The following TXNRD1 variants were observed in gnomAD, a reference collection of about 807,000 sequenced individuals.
TXNRD1 encodes the protein thioredoxin reductase 1, also known as thioredoxin reductase 1, cytoplasmic.
Under a neutral mutation model 80.3 loss-of-function variants are expected in TXNRD1, and 57 were observed. The observed-to-expected ratio is 0.71, with a 90% CI of 0.57 to 0.89. TXNRD1 has a LOEUF of 0.89. Ranked by LOEUF, TXNRD1 falls within the 40% of genes least tolerant of loss-of-function variation. The probability of loss-of-function intolerance (pLI) is 0.00; values close to 1 mark genes in which losing one functional copy is unlikely to be tolerated. For synonymous variants in TXNRD1, 291 were observed against 285.2 expected (o/e 1.02, Z -0.20); for missense variants, 730 against 803.0 (o/e 0.91, Z 1.10).
intron 2 of TXNRD1, among the ~76,000 whole-genome samples, chr12:104,256,084 T>C (rs2033242866): frequency 6.6e-6 from 1 of 152,218 alleles, no homozygotes; most frequent in Admixed American, 6.5e-5. Flanking sequence ...TGAAGTAGAA[T>C]TTTCCCAGGT....
chr12:104,294,698 T>C (rs1178560465), intron 4 of TXNRD1, among the ~76,000 whole-genome samples: 2 of 152,130 alleles, frequency 1.3e-5, no homozygotes, highest in Admixed American at 1.3e-4. Context: ...TCAAAACTCG[T>C]GAGTTTAAGC....
chr12:104,245,444 G>A (rs907573761), intron 1 of TXNRD1, among the ~76,000 whole-genome samples: 1 of 133,890 alleles, frequency 7.5e-6, no homozygotes, highest in Non-Finnish European at 1.6e-5. Context: ...TTGAACCTGG[G>A]AGGCAGAGGT....
chr12:104,339,334 A>C (rs1301839148), intron 16 of TXNRD1, 61 bp downstream of exon 16: 1 of 1,601,648 alleles, frequency 6.2e-7, no homozygotes, highest in South Asian at 1.1e-5. Flanking sequence ...GAAGCACACC[A>C]CCCAGCTTAT....
intron 1 of TXNRD1, among the ~76,000 whole-genome samples, chr12:104,237,436 C>T (rs563237651): frequency 6.6e-6 from 1 of 152,302 alleles, no homozygotes; most frequent in African/African-American, 2.4e-5. Flanking sequence ...ACACTGTCTT[C>T]TCCCATAGTA....
rs567584144 is a variant in TXNRD1 at position 104,291,957 on chromosome 12, T to C, written c.414+2917T>C. Among the ~76,000 whole-genome samples the C allele has an allele frequency of 8.5e-5, 13 of 152,336 alleles. No homozygotes were observed. In the East Asian group the frequency reaches 2.5e-3, roughly 29 times the overall value. ...GTTTCAGTGGAGAAAGGCATTTATT[T>C]AGTGGAGAATTGAGTGCTTATAGTC... is the stretch of plus-strand genomic sequence containing the variant. On this transcript the variant is annotated intron_variant, in intron 4 of 16. Coordinates refer to ENST00000525566, the MANE Select transcript of TXNRD1 (RefSeq NM_001093771.3).
intron 1 of TXNRD1, among the ~76,000 whole-genome samples, chr12:104,249,083 T>A (rs1366624260): frequency 6.6e-6 from 1 of 152,230 alleles, no homozygotes; most frequent in Admixed American, 6.5e-5. Flanking sequence ...CAAAATAACA[T>A]AAACTAGGAG....
chr12:104,332,749 C>CAAAA (rs34106883), intron 14 of TXNRD1, among the ~76,000 whole-genome samples: 210 of 76,606 alleles, frequency 2.7e-3, no homozygotes, highest in Middle Eastern at 0.01. Flanking sequence ...AACTCCGTCT[C>CAAAA]AAAAAAAAAA....
At chr12:104,321,996 CTT>C (rs746500111) in intron 10 of TXNRD1, among the ~76,000 whole-genome samples, 18 of 129,320 alleles carry the variant, frequency 1.4e-4, no homozygotes, top group Non-Finnish European at 1.7e-4. Flanking sequence ...TTATAGTTGT[CTT>C]TTTTTTTTTT....
chr12:104,275,355 C>T (rs959744265), intron 3 of TXNRD1, among the ~76,000 whole-genome samples: 6 of 151,870 alleles, frequency 4.0e-5, no homozygotes, highest in Non-Finnish European at 7.4e-5. Context: ...ATATGCACTG[C>T]GGAAAATGGC....
Position 104,305,988 on chromosome 12 carries a change from C to CT in TXNRD1, c.415-5301dup, listed in dbSNP as rs2135792416. ...GTGCAATCTCGGCCCACTGCAACCT[C>CT]TGCCTGCGGGGTTCAGGCGATTCTT... On this transcript the variant is annotated intron_variant, in intron 4 of 16. Coordinates refer to ENST00000525566, the MANE Select transcript of TXNRD1 (RefSeq NM_001093771.3). Among the ~76,000 whole-genome samples the CT allele has an allele frequency of 1.3e-5, 2 of 152,280 alleles. 1 individual carries two copies. Among genetic ancestry groups the CT allele is most frequent in the South Asian group, 4.1e-4 (2 of 4,828 alleles).
intron 3 of TXNRD1, among the ~76,000 whole-genome samples, chr12:104,279,634 G>A (rs1214538926): frequency 6.6e-6 from 1 of 152,126 alleles, no homozygotes; most frequent in Non-Finnish European, 1.5e-5. Flanking sequence ...CATAATAAGG[G>A]TATATTCAAC....
intron 9 of TXNRD1, among the ~76,000 whole-genome samples, chr12:104,320,330 A>G (rs1447391918): frequency 6.6e-6 from 1 of 152,106 alleles, no homozygotes; most frequent in Admixed American, 6.6e-5. Flanking sequence ...CCTTTCTCAC[A>G]TGGTGGGAGA....
At chr12:104,324,147 T>G (rs184900542) in intron 10 of TXNRD1, among the ~76,000 whole-genome samples, 1 of 152,236 alleles carries the variant, frequency 6.6e-6, no homozygotes, top group African/African-American at 2.4e-5. Flanking sequence ...CCTTATCATT[T>G]CCAAACAAAT....
intron 15 of TXNRD1, among the ~76,000 whole-genome samples, chr12:104,335,506 A>C (rs976129293): frequency 3.3e-5 from 5 of 152,126 alleles, no homozygotes; most frequent in Non-Finnish European, 7.4e-5. Context: ...GGCCTATTAC[A>C]GTACTTTTTT....
At chr12:104,284,012 G>A (rs765493268) in intron 3 of TXNRD1, among the ~76,000 whole-genome samples, 23 of 152,316 alleles carry the variant, frequency 1.5e-4, no homozygotes, top group Middle Eastern at 3.4e-3. Flanking sequence ...TGAAGGCAGA[G>A]AATATGGCAG....
chr12:104,270,790 G>A (rs975839760), intron 3 of TXNRD1, among the ~76,000 whole-genome samples: 5 of 152,102 alleles, frequency 3.3e-5, no homozygotes, highest in South Asian at 4.2e-4. Flanking sequence ...ATCCTGTCAA[G>A]CAGAGTAGGA....
At chr12:104,325,931 A>C (rs960091249) in intron 11 of TXNRD1, among the ~76,000 whole-genome samples, 1 of 151,956 alleles carries the variant, frequency 6.6e-6, no homozygotes, top group Non-Finnish European at 1.5e-5. Flanking sequence ...TTCCACTGTA[A>C]CTTAAAGTAT....
intron 4 of TXNRD1, chr12:104,304,202 G>A (rs751696886): frequency 5.0e-6 from 8 of 1,614,056 alleles, no homozygotes; most frequent in Non-Finnish European, 6.8e-6. Context: ...AGCCCTCGAC[G>A]CCCGGTTTCT....
intron 4 of TXNRD1, among the ~76,000 whole-genome samples, chr12:104,308,684 A>C (rs1017542724): frequency 3.9e-5 from 6 of 152,214 alleles, no homozygotes; most frequent in Middle Eastern, 3.4e-3. Context: ...CAGCCACCAC[A>C]GTCAGCGGAC....
Sources: allele counts gnomAD v4.1 joint callset (sites outside exome capture counted in the v4.1 genomes callset), GRCh38; gene constraint gnomAD v4.1.1; transcripts MANE v1.5; gene names NCBI Gene and HGNC (gene_info 2026-07-23, HGNC 2026-07-21).